Variants in ADAM33 observed in about 807,000 individuals in gnomAD.
The protein encoded by ADAM33 is disintegrin and metalloproteinase domain-containing protein 33.
In ADAM33, 103 loss-of-function variants were observed where a neutral mutation model predicts 106.2. The ratio of observed to expected loss-of-function variants is 0.97; its 90% CI spans 0.83 to 1.14. ADAM33 has a LOEUF of 1.14. Among genes scored for constraint, ADAM33 ranks in the 50% most tolerant of loss-of-function variants. ADAM33 has a pLI of 0.00. For synonymous variants in ADAM33, 483 were observed against 453.0 expected, an observed-to-expected ratio of 1.07 and a Z score of -0.84; for missense variants, 1,120 against 1,096.6, an observed-to-expected ratio of 1.02 and a Z score of -0.30.
At chr20:3,669,843 C>G in intron 19 of ADAM33, 1 of 668,860 alleles carries the variant, frequency 1.5e-6, no homozygotes, top group African/African-American at 1.8e-5. Context: ...AGCCTCATGC[C>G]CTCGGCTGGC....
chr20:3,679,648 T>C lies in ADAM33; in HGVS notation c.98-77A>G, dbSNP rs779252801. On this transcript the variant is annotated intron_variant, in intron 1 of 21. Transcript: ENST00000356518. ...ATGGGACAAAGCAGAGGGAGGGGGG[T>C]AGAGGACATCCCCAGGGAGGCACTG... 4.1e-5 allele frequency: 53 copies of C among 1,300,280 alleles called. 1 individual carries two copies. In the Middle Eastern group the frequency reaches 1.3e-3, roughly 32 times the overall value. The allele number at this position is 1,300,280 out of a possible 1,614,324, so 80.5% of individuals were successfully genotyped here. A position where few individuals can be genotyped will look rare whatever the true frequency, so the allele number is the denominator to read the frequency against.
At chr20:3,677,028 GATCC>G (rs771453875) in intron 3 of ADAM33, 35 bp downstream of exon 3, 1 of 1,602,920 alleles carries the variant, frequency 6.2e-7, no homozygotes, top group Admixed American at 1.7e-5. Flanking sequence ...CCCCAACACT[GATCC>G]CCTCCTCCCA....
At chr20:3,669,756 C>A in intron 19 of ADAM33, 119 bp from the exon 20 acceptor site, 1 of 907,304 alleles carries the variant, frequency 1.1e-6, no homozygotes, top group Non-Finnish European at 1.8e-6. Flanking sequence ...CTTGGGGCAC[C>A]CATCTGCTCC....
chr20:3,673,319 C>G (rs1396893271), intron 11 of ADAM33, 35 bp downstream of exon 11: 3 of 1,535,440 alleles, frequency 2.0e-6, no homozygotes. Context: ...CAGGACTAGC[C>G]GCCCCGCCGC....
At chr20:3,670,533 T>TA (rs2087466120) in intron 19 of ADAM33, 1 of 164,548 alleles carries the variant, frequency 6.1e-6, no homozygotes. Flanking sequence ...TGACCAGTGG[T>TA]ATGGAGTGAA....
intron 14 of ADAM33, 41 bp from the exon 15 acceptor site, chr20:3,672,026 G>A: frequency 6.4e-7 from 1 of 1,552,684 alleles, no homozygotes; most frequent in Non-Finnish European, 8.7e-7. Flanking sequence ...CTCGGAGAGG[G>A]GCTGCGCTCA....
At chr20:3,679,647 G>GA in intron 1 of ADAM33, 76 bp from the exon 2 acceptor site, 1 of 1,336,736 alleles carries the variant, frequency 7.5e-7, no homozygotes, top group South Asian at 1.3e-5. Flanking sequence ...AGGGAGGGGG[G>GA]TAGAGGACAT....
At chr20:3,670,749 G>C in intron 19 of ADAM33, 1 of 473,532 alleles carries the variant, frequency 2.1e-6, no homozygotes, top group South Asian at 4.2e-5. Flanking sequence ...AAGCAGGAGA[G>C]TGGACAAGAG....
chr20:3,681,005 G>C (rs1316152408), intron 1 of ADAM33, among the ~76,000 whole-genome samples: 1 of 152,152 alleles, frequency 6.6e-6, no homozygotes, highest in East Asian at 1.9e-4. Flanking sequence ...GGGCTCAGAG[G>C]GGAGGGAGCA....
At chr20:3,673,953 T>C (rs773609673) in intron 8 of ADAM33, 42 bp from the exon 9 acceptor site, 3 of 1,579,588 alleles carry the variant, frequency 1.9e-6, no homozygotes, top group Non-Finnish European at 2.6e-6. Flanking sequence ...GGGCGCCCCA[T>C]CGCGCCGGTG....
chr20:3,681,671 G>A (rs981113488), intron 1 of ADAM33, among the ~76,000 whole-genome samples: 1 of 152,154 alleles, frequency 6.6e-6, no homozygotes, highest in Non-Finnish European at 1.5e-5. Context: ...CAGCGGAGTG[G>A]CAGCCGGGCA....
intron 1 of ADAM33, among the ~76,000 whole-genome samples, chr20:3,681,567 T>C (rs1441659540): frequency 1.3e-5 from 2 of 151,222 alleles, no homozygotes; most frequent in Admixed American, 6.6e-5. Flanking sequence ...TGGAAGCTGG[T>C]TGTGAGAGCG....
At chr20:3,680,037 T>C (rs1359107544) in intron 1 of ADAM33, among the ~76,000 whole-genome samples, 3 of 152,196 alleles carry the variant, frequency 2.0e-5, no homozygotes, top group Non-Finnish European at 4.4e-5. Context: ...CCTTGCGAGG[T>C]CCACCTTGCC....
intron 1 of ADAM33, among the ~76,000 whole-genome samples, chr20:3,680,148 G>A (rs917286976): frequency 6.6e-6 from 1 of 152,052 alleles, no homozygotes; most frequent in African/African-American, 2.4e-5. Flanking sequence ...CTTCTGGACG[G>A]AGCCTTGGTG....
At position 3,675,013 on chromosome 20, in the gene ADAM33, T is replaced by C. The variant is rs2087848710; in HGVS notation, c.333+14A>G. 1.2e-6 allele frequency: 2 copies of C among 1,613,214 alleles called. No homozygotes were observed. The highest frequency in any genetic ancestry group is 8.5e-7 in the Non-Finnish European group (1 of 1,179,888). On this transcript the variant is annotated intron_variant, in intron 4 of 21. Transcript: ENST00000356518. This position sits in a 1 kb window ranked among gnomAD's most constrained non-coding sequence, Gnocchi z 4.1. ...CTCTGGCGGTGCATCCCAGAGCCCATGGAAGCATCTCACCGTGTGGTTGGG... is the reference window on the plus strand; with the variant it reads ...CTCTGGCGGTGCATCCCAGAGCCCACGGAAGCATCTCACCGTGTGGTTGGG...
chr20:3,673,477 A>G lies in ADAM33; in HGVS notation c.1010T>C (p.Ile337Thr). 6.5e-7 allele frequency: 1 copy of G among 1,536,698 alleles called. No individual in the cohort carries two copies. The change falls in exon 11 of 22, where the codon ATC becomes ACC. Residue 337 changes from isoleucine to threonine, a missense_variant. By Grantham distance (89) the Ile-to-Thr change is moderately conservative. Coordinates refer to ENST00000356518, the MANE Select transcript of ADAM33 (RefSeq NM_025220.5). ...GVSTDHSELP[I>T]GAAATMAHEI... ...ATGGGCCATGGTGGCTGCGGCGCCG[A>G]TGGGGAGCTCCGAGTGGTCCTGGGG...
In ADAM33 at chr20:3,671,570, G is replaced by A. The variant is rs2087536792; in HGVS notation, c.1905+11C>T. On this transcript the variant is annotated intron_variant, in intron 16 of 21. Coordinates refer to ENST00000356518, the MANE Select transcript of ADAM33 (RefSeq NM_025220.5). ...CAAACGGCAAGGAGGGGTCGGGTGG[G>A]CAGAGCTCACCATTCTAGGTCCACA... 2 of 1,603,242 alleles carry A rather than the reference G, an allele frequency of 1.2e-6. No individual in the cohort carries two copies. Among genetic ancestry groups the A allele is most frequent in the Non-Finnish European group, 1.7e-6 (2 of 1,174,978 alleles).
chr20:3,673,749 G>A lies in ADAM33; in HGVS notation c.901C>T (p.Leu301Phe). The change falls in exon 9 of 22, where the codon CTC becomes TTC. Residue 301 changes from leucine (L) to phenylalanine (F), a missense_variant. Coordinates refer to ENST00000356518, the MANE Select transcript of ADAM33 (RefSeq NM_025220.5). ...GTCCGGGTCAGAGGCACCCACGTGA[G>A]CAGCTGCGCGGAGTCGTGGGGCCGC... ...AQRPHDSAQLLTGRAFQGATV... is the reference protein window; with the variant it reads ...AQRPHDSAQLFTGRAFQGATV... 1 of 1,504,090 alleles carries A rather than the reference G, an allele frequency of 6.6e-7. No individual in the cohort carries two copies. The highest frequency in any genetic ancestry group is 8.8e-7 in the Non-Finnish European group (1 of 1,130,926). 93.2% of individuals were successfully genotyped at this position (1,504,090 alleles called of 1,614,324 possible).
At position 3,669,607 on chromosome 20, in the gene ADAM33, G is replaced by T; in HGVS notation, c.2271C>A (p.Pro757=). 2 of 1,603,766 alleles carry T rather than the reference G, an allele frequency of 1.2e-6. No homozygotes were observed. Among genetic ancestry groups the T allele is most frequent in the South Asian group, 1.1e-5 (1 of 88,376 alleles). The part of the protein sequence containing the change: ...GPKDGPHRDH[P]LGGVHPMELG... ...ACTCCATGGGGTGAACGCCGCCCAG[G>T]GGGTGGTCCCTGTGTGGGCCATCTT... The change falls in exon 20 of 22, where the codon CCC becomes CCA. Residue 757 remains proline (P), a synonymous_variant. Transcript: ENST00000356518.
Sources: allele counts gnomAD v4.1 joint callset (sites outside exome capture counted in the v4.1 genomes callset), GRCh38; gene constraint gnomAD v4.1.1; non-coding constraint Gnocchi (gnomAD v3.1); transcripts MANE v1.5; gene names NCBI Gene and HGNC (gene_info 2026-07-23, HGNC 2026-07-21).